Variants in ZNF146 observed in about 807,000 individuals in gnomAD.
ZNF146 encodes zinc finger protein OZF.
In ZNF146, 9 loss-of-function variants were observed where a neutral mutation model predicts 22.2. The observed-to-expected ratio is 0.41, with a 90% CI of 0.24 to 0.71. The LOEUF (loss-of-function observed/expected upper bound fraction) is 0.71. Ranked by LOEUF, ZNF146 falls within the 30% of genes least tolerant of loss-of-function variation. The probability of loss-of-function intolerance (pLI) is 0.34; values close to 1 mark genes in which losing one functional copy is unlikely to be tolerated. For missense variants in ZNF146, 194 were observed against 344.8 expected (o/e 0.56, Z 3.46); for synonymous variants, 108 against 119.2 (o/e 0.91, Z 0.61).
Position 36,231,909 on chromosome 19 carries a change from T to TAA in ZNF146, c.-783+3100_-783+3101dup, listed in dbSNP as rs60263832. ...GTTGAGACCCCGTATCTTTTTTATT[T>TAA]AAAAAAAAAAAGGCCAGACTCGGTG... On this transcript the variant is annotated intron_variant, in intron 3 of 3. Coordinates refer to ENST00000443387, the MANE Select transcript of ZNF146 (RefSeq NM_007145.3). Among the ~76,000 whole-genome samples, 382 of 145,962 alleles carry TAA rather than the reference T, an allele frequency of 2.6e-3. 2 individuals carry two copies. The highest frequency in any genetic ancestry group is 8.8e-3 in the African/African-American group (353 of 40,028).
chr19:36,219,304 G>A (rs1348809652), intron 2 of ZNF146, among the ~76,000 whole-genome samples: 1 of 152,088 alleles, frequency 6.6e-6, no homozygotes, highest in Non-Finnish European at 1.5e-5. Context: ...TGGGACTACA[G>A]GTGTGTGCCA....
chr19:36,238,355 ACT>A lies in ZNF146; in HGVS notation c.*1039_*1040del, dbSNP rs1169736125. 6.0e-6 allele frequency: 1 copy of A among 167,044 alleles called. No individual in the cohort carries two copies. Among genetic ancestry groups the A allele is most frequent in the Admixed American group, 6.6e-5 (1 of 15,262 alleles). The allele number at this position is 167,044 out of a possible 1,614,324, so 10.3% of individuals were successfully genotyped here. ...AACGGATTGGAAGGATACAGACCAA[ACT>A]CTTGATAGTGGTCACCTGTGAAGAG... On this transcript the variant is annotated 3_prime_UTR_variant, in exon 4 of 4. Coordinates refer to ENST00000443387, the MANE Select transcript of ZNF146 (RefSeq NM_007145.3).
At chr19:36,231,195 T>C (rs541242396) in intron 3 of ZNF146, among the ~76,000 whole-genome samples, 3 of 152,098 alleles carry the variant, frequency 2.0e-5, no homozygotes, top group Admixed American at 1.3e-4. Context: ...AAACCCTGTC[T>C]CTACTAAAAA....
intron 2 of ZNF146, among the ~76,000 whole-genome samples, chr19:36,223,425 C>G (rs904452733): frequency 6.6e-6 from 1 of 151,372 alleles, no homozygotes; most frequent in Non-Finnish European, 1.5e-5. Context: ...TGCAGTGGTG[C>G]GATTTCGGCT....
At chr19:36,217,885 C>CAAAAAAA in intron 1 of ZNF146, among the ~76,000 whole-genome samples, 1 of 133,272 alleles carries the variant, frequency 7.5e-6, no homozygotes, top group Non-Finnish European at 1.6e-5. Context: ...AACTCCATCT[C>CAAAAAAA]AAAAAAAAAA....
At chr19:36,215,982 G>A (rs1976586288) in intron 1 of ZNF146, among the ~76,000 whole-genome samples, 1 of 152,158 alleles carries the variant, frequency 6.6e-6, no homozygotes, top group African/African-American at 2.4e-5. Context: ...TATGGATTTT[G>A]TGAAGTAATG....
rs773993026 is a variant in ZNF146 at position 36,236,491 on chromosome 19, C to T, written c.51C>T (p.Ala17=). 1.9e-6 allele frequency: 3 copies of T among 1,613,844 alleles called. No homozygotes were observed. The highest frequency in any genetic ancestry group is 1.7e-5 in the Admixed American group (1 of 59,982). Residue 17 remains alanine, a synonymous_variant, in exon 4 of 4, where the codon GCC becomes GCT. Transcript: ENST00000443387. ...TTTACAGTGGGGAAAACCCCTTTGC[C>T]TGTAAGGTATGTGGAAAAGTCTTCA... The part of the protein sequence containing the change: ...QRIYSGENPF[A]CKVCGKVFSH...
At position 36,236,298 on chromosome 19, in the gene ZNF146, A is replaced by G; in HGVS notation, c.-143A>G. The G allele has an allele frequency of 1.0e-6, 1 of 966,586 alleles. No homozygotes were observed. Among genetic ancestry groups the G allele is most frequent in the Non-Finnish European group, 1.5e-6 (1 of 668,278 alleles). The allele number at this position is 966,586 out of a possible 1,614,324, so 59.9% of individuals were successfully genotyped here. On this transcript the variant is annotated 5_prime_UTR_variant, in exon 4 of 4. Coordinates refer to ENST00000443387, the MANE Select transcript of ZNF146 (RefSeq NM_007145.3). ...CATTTCCTCTCAAACCTTATCCCTT[A>G]CTCTGCATTTGGGAGATCATACACA...
At chr19:36,217,452 C>T (rs944274452) in intron 1 of ZNF146, among the ~76,000 whole-genome samples, 10 of 151,648 alleles carry the variant, frequency 6.6e-5, no homozygotes, top group Non-Finnish European at 1.5e-4. Context: ...TGGTGTACAT[C>T]GATACAACAA....
chr19:36,235,139 G>T (rs1977592593), intron 3 of ZNF146, among the ~76,000 whole-genome samples: 1 of 151,470 alleles, frequency 6.6e-6, no homozygotes, highest in Admixed American at 6.6e-5. Flanking sequence ...AACCCAGGAG[G>T]CGGAGGCTGC....
chr19:36,224,291 G>A (rs1431676878), intron 2 of ZNF146, among the ~76,000 whole-genome samples: 1 of 152,176 alleles, frequency 6.6e-6, no homozygotes, highest in African/African-American at 2.4e-5. Flanking sequence ...TGAGACAGGA[G>A]AATCGCTTGA....
chr19:36,223,658 T>A (rs537957727), intron 2 of ZNF146, among the ~76,000 whole-genome samples: 51 of 134,212 alleles, frequency 3.8e-4, no homozygotes, highest in African/African-American at 1.4e-3. Context: ...CCACCGCGCG[T>A]GGCTGATTCA....
At chr19:36,222,076 C>T (rs1011104203) in intron 2 of ZNF146, among the ~76,000 whole-genome samples, 1 of 150,934 alleles carries the variant, frequency 6.6e-6, no homozygotes, top group Admixed American at 6.6e-5. Context: ...ACCACAGGCA[C>T]ACTCCACCAC....
intron 3 of ZNF146, among the ~76,000 whole-genome samples, chr19:36,233,806 G>T (rs920847157): frequency 6.6e-6 from 1 of 152,148 alleles, no homozygotes; most frequent in Non-Finnish European, 1.5e-5. Flanking sequence ...AGCTTTACAC[G>T]GAGACATTCC....
chr19:36,230,402 C>T (rs1406718773), intron 3 of ZNF146, among the ~76,000 whole-genome samples: 1 of 152,020 alleles, frequency 6.6e-6, no homozygotes, highest in Non-Finnish European at 1.5e-5. Flanking sequence ...TGAGTAAATA[C>T]TTAAAAAATG....
At position 36,236,212 on chromosome 19, in the gene ZNF146, C is replaced by T; in HGVS notation, c.-229C>T. Reference sequence around the variant, plus strand: ...AGAGAAACTAGTGAAGGTAGCAATACTTCATTGAATATTAGAAAATTTTTC... The same window carrying T: ...AGAGAAACTAGTGAAGGTAGCAATATTTCATTGAATATTAGAAAATTTTTC... On this transcript the variant is annotated 5_prime_UTR_variant, in exon 4 of 4. Transcript: ENST00000443387. 3 of 475,080 alleles carry T rather than the reference C, an allele frequency of 6.3e-6. No individual in the cohort carries two copies. Among genetic ancestry groups the T allele is most frequent in the Non-Finnish European group, 1.1e-5 (3 of 277,056 alleles). The allele number at this position is 475,080 out of a possible 1,614,324, so 29.4% of individuals were successfully genotyped here. A position where few individuals can be genotyped will look rare whatever the true frequency, so the allele number is the denominator to read the frequency against.
chr19:36,231,881 C>T (rs897072746), intron 3 of ZNF146, among the ~76,000 whole-genome samples: 4 of 150,140 alleles, frequency 2.7e-5, no homozygotes, highest in African/African-American at 4.9e-5. Context: ...GCCTGGGCAG[C>T]GTGTTGAGAC....
At chr19:36,227,530 C>T (rs1016569238) in intron 2 of ZNF146, among the ~76,000 whole-genome samples, 3 of 151,896 alleles carry the variant, frequency 2.0e-5, no homozygotes, top group African/African-American at 4.8e-5. Context: ...ACTGCATGTG[C>T]ACACCACCAC....
At chr19:36,217,251 CAG>C (rs1289813749) in intron 1 of ZNF146, among the ~76,000 whole-genome samples, 3 of 151,386 alleles carry the variant, frequency 2.0e-5, no homozygotes, top group East Asian at 2.0e-4. Context: ...TTAGTAGAGA[CAG>C]GGTTTTACCA....
Sources: gnomAD v4.1 joint callset for allele counts (sites outside exome capture counted in the v4.1 genomes callset) on GRCh38, gnomAD v4.1.1 for gene constraint, MANE v1.5 for transcripts, NCBI Gene and HGNC (gene_info 2026-07-23, HGNC 2026-07-21) for gene names.